ADAMTS17: variants seen among roughly 807,000 people sequenced by gnomAD.
ADAMTS17 encodes A disintegrin and metalloproteinase with thrombospondin motifs 17.
A neutral mutation model predicts 141.5 loss-of-function variants in ADAMTS17; 113 were observed. That is an observed-to-expected ratio of 0.80 (90% CI 0.69 to 0.93). The LOEUF is 0.93. ADAMTS17 is among the 40% of genes least tolerant of loss of function. The pLI, the probability that ADAMTS17 is intolerant of heterozygous loss-of-function variation, is 0.00. For missense variants in ADAMTS17, 1,659 were observed against 1,517.9 expected (o/e 1.09, Z -1.54); for synonymous variants, 768 against 630.6 (o/e 1.22, Z -3.27).
chr15:100,243,789 TAA>T (rs547134930), intron 7 of ADAMTS17, among the ~76,000 whole-genome samples: 4 of 93,464 alleles, frequency 4.3e-5, no homozygotes, highest in Non-Finnish European at 2.1e-5. Flanking sequence ...GACTCCATCT[TAA>T]AAAAAAAAAA....
intron 7 of ADAMTS17, among the ~76,000 whole-genome samples, chr15:100,242,639 A>G (rs74037596): frequency 0.13 from 20,020 of 151,986 alleles, 1,507 homozygotes; most frequent in Non-Finnish European, 0.17. Flanking sequence ...ACCCTGCACT[A>G]TTTGTGTCTC....
chr15:100,097,730 T>A (rs2035849322), intron 14 of ADAMTS17, among the ~76,000 whole-genome samples: 2 of 152,252 alleles, frequency 1.3e-5, no homozygotes, highest in South Asian at 4.1e-4. Flanking sequence ...CACCTGAGAA[T>A]GTGCATTTCT....
chr15:100,315,684 A>T (rs11855310), intron 3 of ADAMTS17, among the ~76,000 whole-genome samples: 10,814 of 151,836 alleles, frequency 0.071, 1,246 homozygotes, highest in African/African-American at 0.24. Flanking sequence ...AAAAAATTTT[A>T]AAAAAAATTA....
intron 8 of ADAMTS17, among the ~76,000 whole-genome samples, chr15:100,185,262 C>G (rs1447043374): frequency 6.6e-6 from 1 of 152,182 alleles, no homozygotes; most frequent in Non-Finnish European, 1.5e-5. Context: ...CATGGAGTAG[C>G]TGGGATGAAT....
Position 100,254,196 on chromosome 15 carries a change from C to A in ADAMTS17, c.1032-17G>T, listed in dbSNP as rs764384587. ...AAATCTGTCCTAAAAAATAAAAAAG[C>A]CATCATCAGGTATATGCAGTATCCC... is the stretch of plus-strand genomic sequence containing the variant. On this transcript the variant is annotated splice_polypyrimidine_tract_variant and intron_variant, in intron 6 of 21. Coordinates refer to ENST00000268070, the MANE Select transcript of ADAMTS17 (RefSeq NM_139057.4). The A allele has an allele frequency of 6.2e-7, 1 of 1,611,842 alleles. No homozygotes were observed. Among genetic ancestry groups the A allele is most frequent in the Non-Finnish European group, 8.5e-7 (1 of 1,178,054 alleles).
At chr15:100,220,471 GATA>G (rs1002594103) in intron 7 of ADAMTS17, among the ~76,000 whole-genome samples, 9 of 152,176 alleles carry the variant, frequency 5.9e-5, no homozygotes, top group African/African-American at 9.7e-5. Context: ...TGTAACAACT[GATA>G]ATATTTTCTC....
intron 15 of ADAMTS17, among the ~76,000 whole-genome samples, chr15:100,078,578 T>A (rs1432018324): frequency 6.6e-6 from 1 of 152,102 alleles, no homozygotes; most frequent in East Asian, 1.9e-4. Context: ...AAAAAATGGA[T>A]CACAGATGTA....
chr15:99,985,095 G>A (rs1037428391), intron 20 of ADAMTS17, among the ~76,000 whole-genome samples: 2 of 152,270 alleles, frequency 1.3e-5, no homozygotes, highest in African/African-American at 4.8e-5. Flanking sequence ...GCATGGCCCA[G>A]GTCTCGGACT....
At chr15:99,974,683 C>T in intron 21 of ADAMTS17, 121 bp from the exon 22 acceptor site, 2 of 1,296,624 alleles carry the variant, frequency 1.5e-6, no homozygotes, top group South Asian at 2.4e-5. Flanking sequence ...CACACGTCAA[C>T]CCTTTGCACT....
intron 7 of ADAMTS17, among the ~76,000 whole-genome samples, chr15:100,233,820 C>G (rs924671104): frequency 1.3e-5 from 2 of 151,870 alleles, no homozygotes; most frequent in Admixed American, 1.3e-4. Context: ...GAGATGGAGG[C>G]GAGCCTGGCA....
At chr15:100,315,601 T>G (rs1378499350) in intron 3 of ADAMTS17, among the ~76,000 whole-genome samples, 2 of 152,172 alleles carry the variant, frequency 1.3e-5, no homozygotes, top group Non-Finnish European at 2.9e-5. Context: ...TCTGGGAGGC[T>G]GAGGTGGGTG....
At chr15:100,058,023 T>C (rs1432343427) in intron 15 of ADAMTS17, among the ~76,000 whole-genome samples, 2 of 151,946 alleles carry the variant, frequency 1.3e-5, no homozygotes, top group Non-Finnish European at 2.9e-5. Flanking sequence ...TATTACAGCT[T>C]CCTATAAATA....
At chr15:100,324,322 G>GA (rs902764271) in intron 3 of ADAMTS17, among the ~76,000 whole-genome samples, 18 of 150,980 alleles carry the variant, frequency 1.2e-4, no homozygotes, top group East Asian at 9.7e-4. Flanking sequence ...TAAATAAATA[G>GA]AAAAAAAAAG....
At chr15:100,237,154 A>G (rs1017410815) in intron 7 of ADAMTS17, among the ~76,000 whole-genome samples, 5 of 152,024 alleles carry the variant, frequency 3.3e-5, no homozygotes, top group African/African-American at 1.2e-4. Flanking sequence ...CAGCTCCACC[A>G]TCGTGTCACT....
intron 15 of ADAMTS17, among the ~76,000 whole-genome samples, chr15:100,086,164 G>A (rs939604637): frequency 6.6e-6 from 1 of 152,010 alleles, no homozygotes. Flanking sequence ...CTACCAAGCA[G>A]ATGGAAAACA....
intron 20 of ADAMTS17, among the ~76,000 whole-genome samples, chr15:99,977,337 G>A (rs532139476): frequency 9.2e-5 from 9 of 97,584 alleles, no homozygotes; most frequent in South Asian, 7.9e-4. Context: ...TCTGTTCTCC[G>A]TCCCTCCTCT....
intron 3 of ADAMTS17, among the ~76,000 whole-genome samples, chr15:100,308,830 A>G (rs2045312707): frequency 6.6e-6 from 1 of 152,132 alleles, no homozygotes; most frequent in Admixed American, 6.5e-5. Context: ...CTCATGCACA[A>G]CTGGGCATAT....
At position 99,993,364 on chromosome 15, in the gene ADAMTS17, C is replaced by T. The variant is rs992190952; in HGVS notation, c.2797-164G>A. On this transcript the variant is annotated intron_variant, in intron 19 of 21. Transcript: ENST00000268070. The surrounding 1 kb of genome is among the most constrained non-coding windows in gnomAD (Gnocchi z 4.3). The stretch of plus-strand genomic sequence containing the variant: ...CTCCTGGTCTGCAGGGTCTTACGCA[C>T]GTGGTCCCAGCTGGGGCCCCAGCCG... 3.3e-5 allele frequency among the ~76,000 whole-genome samples: 5 copies of T among 152,182 alleles called. No individual in the cohort carries two copies. The highest frequency in any genetic ancestry group is 4.8e-5 in the African/African-American group (2 of 41,436).
intron 8 of ADAMTS17, among the ~76,000 whole-genome samples, chr15:100,193,364 A>C (rs1306366322): frequency 6.6e-6 from 1 of 152,164 alleles, no homozygotes; most frequent in African/African-American, 2.4e-5. Flanking sequence ...AGGTGCATGG[A>C]ACTCAGGGTG....
Sources: allele counts gnomAD v4.1 joint callset (sites outside exome capture counted in the v4.1 genomes callset), GRCh38; gene constraint gnomAD v4.1.1; non-coding constraint Gnocchi (gnomAD v3.1); transcripts MANE v1.5; gene names NCBI Gene and HGNC (gene_info 2026-07-23, HGNC 2026-07-21).